Variants in SPEG observed in about 807,000 individuals in gnomAD.
The protein encoded by SPEG is striated muscle enriched protein kinase.
In SPEG, 114 loss-of-function variants were observed where a neutral mutation model predicts 300.4. The observed-to-expected ratio is 0.38, with a 90% confidence interval of 0.33 to 0.44. SPEG has a LOEUF of 0.44. SPEG is among the 20% of genes least tolerant of loss of function. The pLI, the probability that SPEG is intolerant of heterozygous loss-of-function variation, is 1.00. For synonymous variants in SPEG, 1,964 were observed against 2,018.9 expected (o/e 0.97, Z 0.73); for missense variants, 4,201 against 4,586.2 (o/e 0.92, Z 2.43).
At chr2:219,461,814 A>T (rs908556118) in intron 6 of SPEG, 68 bp from the exon 7 acceptor site, 21 of 1,523,360 alleles carry the variant, frequency 1.4e-5, no homozygotes, top group African/African-American at 2.8e-5. Context: ...TCTGGGCGAC[A>T]TTCCAGCCAG....
At position 219,488,514 on chromosome 2, in the gene SPEG, G is replaced by A. The variant is rs2125586532; in HGVS notation, c.7875G>A (p.Arg2625=). ...ISWMKDKKSL[R]SEPSVIIVSC... The stretch of plus-strand genomic sequence containing the variant: ...TGTCCCCAGACAAGAAGTCCTTGAG[G>A]TCAGAGCCCTCAGTGATCATCGTGT... Residue 2625 remains arginine, a synonymous_variant, in exon 33 of 41, where the codon AGG becomes AGA. Transcript: ENST00000312358. 1 of 1,584,412 alleles carries A rather than the reference G, an allele frequency of 6.3e-7. No individual in the cohort carries two copies. The highest frequency in any genetic ancestry group is 1.8e-5 in the Admixed American group (1 of 56,384).
intron 38 of SPEG, 71 bp downstream of exon 38, chr2:219,491,027 C>T: frequency 4.2e-6 from 5 of 1,191,544 alleles, no homozygotes; most frequent in Non-Finnish European, 6.0e-6. Flanking sequence ...GGGCTCACCC[C>T]ACTTCACTTA....
rs1693099121 is a variant in SPEG, at chr2:219,483,820, A to T, written c.6357A>T (p.Pro2119=). 1 of 1,579,594 alleles carries T rather than the reference A, an allele frequency of 6.3e-7. No individual in the cohort carries two copies. The highest frequency in any genetic ancestry group is 8.5e-7 in the Non-Finnish European group (1 of 1,169,804). Residue 2119 remains proline (P), a synonymous_variant, in exon 30 of 41, where the codon CCA becomes CCT. Coordinates refer to ENST00000312358, the MANE Select transcript of SPEG (RefSeq NM_005876.5). The part of the protein sequence containing the change: ...SSEAAPHHQP[P]LENRGLQKSS... ...AGGCAGCGCCCCACCACCAGCCCCCACTCGAGAACCGGGGCCTGCAAAAGA... is the reference window on the plus strand; with the variant it reads ...AGGCAGCGCCCCACCACCAGCCCCCTCTCGAGAACCGGGGCCTGCAAAAGA...
chr2:219,477,216 C>CGGGGCCTGGTACAGCGGCT lies in SPEG; in HGVS notation c.4561-61_4561-60insGGGGCCTGGTACAGCGGCT, dbSNP rs376344559. Reference sequence around the variant, plus strand: ...GCGCTGCCCAGAGTAGGAGATGAGGCCCTGGCCCCAAGGTAGAGATGAGGC... The same window carrying CGGGGCCTGGTACAGCGGCT: ...GCGCTGCCCAGAGTAGGAGATGAGGCGGGGCCTGGTACAGCGGCTCCTGGCCCCAAGGTAGAGATGAGGC... On this transcript the variant is annotated intron_variant, in intron 19 of 40. Transcript: ENST00000312358. This position sits in a 1 kb window ranked among gnomAD's most constrained non-coding sequence, Gnocchi z 6.4. 0.71 allele frequency: 1,037,400 copies of CGGGGCCTGGTACAGCGGCT among 1,463,648 alleles called. 379,051 individuals are homozygous for CGGGGCCTGGTACAGCGGCT. The highest frequency in any genetic ancestry group is 0.76 in the East Asian group (33,211 of 43,688). 90.7% of individuals were successfully genotyped at this position (1,463,648 alleles called of 1,614,324 possible). A position where few individuals can be genotyped will look rare whatever the true frequency, so the allele number is the denominator to read the frequency against.
At position 219,466,408 on chromosome 2, in the gene SPEG, CTGTCTATCTGTT is replaced by C. The variant is rs986451252; in HGVS notation, c.2882-760_2882-749del. 9 of 1,317,396 alleles carry C rather than the reference CTGTCTATCTGTT, an allele frequency of 6.8e-6. No individual in the cohort carries two copies. In the African/African-American group the frequency reaches 1.3e-4, roughly 19 times the overall value. The allele number at this position is 1,317,396 out of a possible 1,614,324, so 81.6% of individuals were successfully genotyped here. ...TGCATGTGCTACTGCTGCTACAGGC[CTGTCTATCTGTT>C]TGTCTGTCTGTGTGTCTGTGACAGT... On this transcript the variant is annotated intron_variant, in intron 9 of 40. Coordinates refer to ENST00000312358, the MANE Select transcript of SPEG (RefSeq NM_005876.5).
chr2:219,457,070 T>TCAGCA (rs1690247559), intron 6 of SPEG, among the ~76,000 whole-genome samples: 1 of 152,208 alleles, frequency 6.6e-6, no homozygotes, highest in Admixed American at 6.5e-5. Flanking sequence ...AACATTCATG[T>TCAGCA]CAGCACCCTG....
chr2:219,453,064 G>A (rs1689892512), intron 6 of SPEG, among the ~76,000 whole-genome samples: 1 of 152,112 alleles, frequency 6.6e-6, no homozygotes, highest in Admixed American at 6.5e-5. Flanking sequence ...ACATGCTTCT[G>A]TCCTTCCATC....
At chr2:219,485,987 GT>G (rs1693382596) in intron 31 of SPEG, among the ~76,000 whole-genome samples, 1 of 152,218 alleles carries the variant, frequency 6.6e-6, no homozygotes, top group African/African-American at 2.4e-5. Flanking sequence ...TTAGATGTGT[GT>G]GTGCTTGGGT....
intron 1 of SPEG, among the ~76,000 whole-genome samples, chr2:219,435,688 G>A (rs999493166): frequency 4.0e-5 from 6 of 151,386 alleles, no homozygotes; most frequent in African/African-American, 1.2e-4. Flanking sequence ...AAAGCCTCCT[G>A]GGGGAAAGGG....
Position 219,448,288 on chromosome 2 carries a change from T to C in SPEG, c.1130T>C (p.Leu377Pro). The change falls in exon 4 of 41, where the codon CTG (leucine) becomes CCG (proline). Residue 377 changes from leucine (L) to proline (P), a missense_variant. Transcript: ENST00000312358. Reference protein sequence around the residue: ...GTAESRPQTPLSEASGRLSAL... With the variant: ...GTAESRPQTPPSEASGRLSAL... Reference sequence around the variant, plus strand: ...GCGGAATCCCGACCCCAGACGCCACTGAGCGAGGCCTCAGGCCGCCTGTCG... The same window carrying C: ...GCGGAATCCCGACCCCAGACGCCACCGAGCGAGGCCTCAGGCCGCCTGTCG... 5 of 1,610,508 alleles carry C rather than the reference T, an allele frequency of 3.1e-6. No homozygotes were observed. The highest frequency in any genetic ancestry group is 4.2e-6 in the Non-Finnish European group (5 of 1,179,076).
Position 219,490,517 on chromosome 2 carries a change from G to A in SPEG, c.9030G>A (p.Glu3010=), listed in dbSNP as rs1421987741. ...AAEGKRRVLQ[E]YEVLRTLHHE... ...AGGGCAAGCGGCGGGTCCTGCAGGA[G>A]TACGAGGTGCTGCGGACCCTGCACC... The change falls in exon 37 of 41, where the codon GAG becomes GAA. Residue 3010 remains glutamate, a synonymous_variant. Coordinates refer to ENST00000312358, the MANE Select transcript of SPEG (RefSeq NM_005876.5). The A allele has an allele frequency of 6.2e-7, 1 of 1,612,630 alleles. No homozygotes were observed.
chr2:219,472,175 G>C, intron 14 of SPEG, 52 bp from the exon 15 acceptor site: 1 of 1,586,518 alleles, frequency 6.3e-7, no homozygotes, highest in Non-Finnish European at 8.6e-7. Context: ...CGGTGATCCT[G>C]TGGGGCTGTT....
In SPEG at chr2:219,451,561, G is replaced by A. The variant is rs1689749402; in HGVS notation, c.2258-64G>A. ...GTCTCCTGTGTGGTGTGTGGGGTAG[G>A]AGTAGAGATTCTCAGTGGGCGCCTG... On this transcript the variant is annotated intron_variant, in intron 5 of 40. Transcript: ENST00000312358. This position sits in a 1 kb window ranked among gnomAD's most constrained non-coding sequence, Gnocchi z 6.4. 2.1e-6 allele frequency: 3 copies of A among 1,409,940 alleles called. No homozygotes were observed. The highest frequency in any genetic ancestry group is 2.8e-6 in the Non-Finnish European group (3 of 1,065,710). 87.3% of individuals were successfully genotyped at this position (1,409,940 alleles called of 1,614,324 possible). A position where few individuals can be genotyped will look rare whatever the true frequency, so the allele number is the denominator to read the frequency against.
In SPEG at chr2:219,458,181, A is replaced by G. The variant is rs922406587; in HGVS notation, c.2441-3701A>G. Among the ~76,000 whole-genome samples the G allele has an allele frequency of 6.6e-6, 1 of 152,140 alleles. No homozygotes were observed. The highest frequency in any genetic ancestry group is 1.5e-5 in the Non-Finnish European group (1 of 68,034). On this transcript the variant is annotated intron_variant, in intron 6 of 40. Transcript: ENST00000312358. The surrounding 1 kb of genome is among the most constrained non-coding windows in gnomAD (Gnocchi z 4.2). ...ACTGCAGAGCTGTATGTGAGGTGGC[A>G]GTGAGTAGGCAGAGAGCCCCATGAC...
chr2:219,435,023 G>A lies in SPEG; in HGVS notation c.46G>A (p.Ala16Thr), dbSNP rs1189509684. Residue 16 changes from alanine to threonine, a missense_variant, in exon 1 of 41, where the codon GCA (alanine) becomes ACA (threonine). By Grantham distance (58) the Ala-to-Thr change is moderately conservative. This residue lies in a region of SPEG where 1,258 missense variants were observed against 1,293.9 expected (regional missense o/e 0.97). Coordinates refer to ENST00000312358, the MANE Select transcript of SPEG (RefSeq NM_005876.5). ...GCGAGGCGAGGATGCGGGCACGAGG[G>A]CACCCCCCAGCCCCGGAGTGCCCCC... is the stretch of plus-strand genomic sequence containing the variant. ...GTRGEDAGTR[A>T]PPSPGVPPKR... 2.0e-6 allele frequency: 3 copies of A among 1,502,484 alleles called. No individual in the cohort carries two copies. The highest frequency in any genetic ancestry group is 1.2e-5 in the South Asian group (1 of 81,658). 93.1% of individuals were successfully genotyped at this position (1,502,484 alleles called of 1,614,324 possible).
rs527243001 is a variant in SPEG, at chr2:219,488,378, G to C, written c.7858+68G>C. On this transcript the variant is annotated intron_variant, in intron 32 of 40. Transcript: ENST00000312358. ...GGCCCTGAGCCCAGGGGATGGGAGG[G>C]GCTAGGCCGGAGTGGGGACTGAGCA... 7.9e-5 allele frequency: 120 copies of C among 1,509,648 alleles called. 2 individuals carry two copies. In the African/African-American group the frequency reaches 1.1e-3, roughly 13 times the overall value. The allele number at this position is 1,509,648 out of a possible 1,614,324, so 93.5% of individuals were successfully genotyped here.
At position 219,483,339 on chromosome 2, in the gene SPEG, C is replaced by G. The variant is rs200949797; in HGVS notation, c.5876C>G (p.Ala1959Gly). 22 of 1,604,780 alleles carry G rather than the reference C, an allele frequency of 1.4e-5. No homozygotes were observed. The Middle Eastern group carries it at 8.3e-4, about 61-fold the overall frequency. Residue 1959 changes from alanine (A) to glycine (G), a missense_variant, in exon 30 of 41, where the codon GCC becomes GGC. This residue lies in a region of SPEG where 1,578 missense variants were observed against 1,506.0 expected (regional missense o/e 1.05). Coordinates refer to ENST00000312358, the MANE Select transcript of SPEG (RefSeq NM_005876.5). ...ACAGACATTCCCACTGAGGATGAGG[C>G]CCTGGGGACCCCAGAGACTGGGGCT... ...SLTDIPTEDE[A>G]LGTPETGAAT...
At chr2:219,463,761 G>T (rs1690979613) in intron 8 of SPEG, among the ~76,000 whole-genome samples, 1 of 151,852 alleles carries the variant, frequency 6.6e-6, no homozygotes, top group Non-Finnish European at 1.5e-5. Flanking sequence ...CTTTTGGGAA[G>T]TGGGAAAGCT....
In SPEG at chr2:219,448,680, G is replaced by A; in HGVS notation, c.1522G>A (p.Glu508Lys). The change falls in exon 4 of 41, where the codon GAG becomes AAG. Residue 508 changes from glutamate to lysine, a missense_variant. Transcript: ENST00000312358. ...LGRIRRSTSR[E>K]ELVRSHESLR... ...CCGCATCCGCCGCTCCACGTCGCGG[G>A]AGGAGCTGGTGCGCTCGCACGAGTC... The A allele has an allele frequency of 6.7e-7, 1 of 1,493,134 alleles. No homozygotes were observed. The highest frequency in any genetic ancestry group is 8.9e-7 in the Non-Finnish European group (1 of 1,129,610). The allele number at this position is 1,493,134 out of a possible 1,614,324, so 92.5% of individuals were successfully genotyped here.
Sources: allele counts gnomAD v4.1 joint callset (sites outside exome capture counted in the v4.1 genomes callset), GRCh38; gene constraint gnomAD v4.1.1; regional missense constraint gnomAD v4.1.1; non-coding constraint Gnocchi (gnomAD v3.1); transcripts MANE v1.5; gene names NCBI Gene and HGNC (gene_info 2026-07-23, HGNC 2026-07-21).